The following NALF1 variants were observed in gnomAD, a reference collection of about 807,000 sequenced individuals.
The protein encoded by NALF1 is family with sequence similarity 155 member A.
NALF1 carries 3 observed loss-of-function variants against 48.4 expected under a neutral mutation model. The ratio of observed to expected loss-of-function variants is 0.06; its 90% CI spans 0.03 to 0.16. The LOEUF (loss-of-function observed/expected upper bound fraction) is 0.16, where lower values mean the gene tolerates loss of function less well. NALF1 is among the 10% of genes least tolerant of loss of function. The pLI is 1.00. For synonymous variants in NALF1, 262 were observed against 245.7 expected (o/e 1.07, Z -0.62); for missense variants, 526 against 571.5 (o/e 0.92, Z 0.81).
At chr13:107,790,323 A>G (rs577330425) in intron 1 of NALF1, among the ~76,000 whole-genome samples, 1 of 152,358 alleles carries the variant, frequency 6.6e-6, no homozygotes, top group African/African-American at 2.4e-5. Flanking sequence ...GAATATGTCA[A>G]AATTAACTCT....
chr13:107,428,614 G>A (rs1884322232), intron 1 of NALF1, among the ~76,000 whole-genome samples: 1 of 152,158 alleles, frequency 6.6e-6, no homozygotes, highest in Non-Finnish European at 1.5e-5. Flanking sequence ...TGTTAGGATG[G>A]AGAGACAGTG....
At chr13:107,273,533 G>T (rs1416106448) in intron 1 of NALF1, among the ~76,000 whole-genome samples, 2 of 152,058 alleles carry the variant, frequency 1.3e-5, no homozygotes, top group African/African-American at 4.8e-5. Context: ...TTTTAACAAT[G>T]GCCCAGGATT....
At chr13:107,496,326 G>A (rs1477864155) in intron 1 of NALF1, among the ~76,000 whole-genome samples, 1 of 152,176 alleles carries the variant, frequency 6.6e-6, no homozygotes, top group East Asian at 1.9e-4. Flanking sequence ...AAACAAGCCT[G>A]TAGATACAAA....
chr13:107,370,689 C>T (rs1883234334), intron 1 of NALF1, among the ~76,000 whole-genome samples: 1 of 152,106 alleles, frequency 6.6e-6, no homozygotes, highest in Non-Finnish European at 1.5e-5. Flanking sequence ...TGTATTAGTC[C>T]GTTCTCATGC....
intron 1 of NALF1, among the ~76,000 whole-genome samples, chr13:107,374,077 T>G (rs1355520821): frequency 1.3e-5 from 2 of 152,236 alleles, no homozygotes; most frequent in Non-Finnish European, 2.9e-5. Context: ...TTCCAATGAT[T>G]CCTTCATTAG....
At chr13:107,852,374 C>A (rs150155244) in intron 1 of NALF1, among the ~76,000 whole-genome samples, 1 of 152,312 alleles carries the variant, frequency 6.6e-6, no homozygotes, top group African/African-American at 2.4e-5. Context: ...AAATTAAGAA[C>A]CGTTTCCACT....
intron 1 of NALF1, among the ~76,000 whole-genome samples, chr13:107,647,226 C>T (rs1418405070): frequency 6.6e-6 from 1 of 151,904 alleles, no homozygotes; most frequent in Non-Finnish European, 1.5e-5. Context: ...GCAAAGGAAG[C>T]ATAAGATGAG....
chr13:107,785,290 C>T (rs569453143), intron 1 of NALF1, among the ~76,000 whole-genome samples: 1 of 152,170 alleles, frequency 6.6e-6, no homozygotes, highest in African/African-American at 2.4e-5. Context: ...AAACCGCTCC[C>T]CTCAGTGAGT....
intron 1 of NALF1, among the ~76,000 whole-genome samples, chr13:107,265,673 TG>T (rs1230698684): frequency 6.6e-6 from 1 of 152,154 alleles, no homozygotes; most frequent in Non-Finnish European, 1.5e-5. Context: ...CCCAAAGTGC[TG>T]GGATCACAGC....
At chr13:107,721,883 T>C (rs1260977255) in intron 1 of NALF1, among the ~76,000 whole-genome samples, 1 of 152,182 alleles carries the variant, frequency 6.6e-6, no homozygotes, top group Non-Finnish European at 1.5e-5. Context: ...TACCGCAGAT[T>C]CATGAATATT....
chr13:107,815,734 C>T (rs1009638447), intron 1 of NALF1, among the ~76,000 whole-genome samples: 2 of 152,072 alleles, frequency 1.3e-5, no homozygotes, highest in Admixed American at 1.3e-4. Context: ...GGTGAACAAC[C>T]CCAATGTCCA....
At chr13:107,243,968 T>C (rs1880528001) in intron 1 of NALF1, among the ~76,000 whole-genome samples, 1 of 152,178 alleles carries the variant, frequency 6.6e-6, no homozygotes, top group African/African-American at 2.4e-5. Flanking sequence ...CAAAAGCTTC[T>C]GAAGTCACAA....
At chr13:107,476,033 A>G (rs117036726) in intron 1 of NALF1, among the ~76,000 whole-genome samples, 43 of 152,316 alleles carry the variant, frequency 2.8e-4, no homozygotes, top group Non-Finnish European at 5.7e-4. Context: ...GATTTAAGGT[A>G]TGTAAACATC....
chr13:107,865,718 C>T lies in NALF1; in HGVS notation c.879G>A (p.Glu293=). The T allele has an allele frequency of 6.2e-7, 1 of 1,614,072 alleles. No homozygotes were observed. The highest frequency in any genetic ancestry group is 8.5e-7 in the Non-Finnish European group (1 of 1,179,996). The stretch of plus-strand genomic sequence containing the variant: ...CAGGACAGGATTTCACCGAGTACTC[C>T]TCCGACTGTAAATATTTGTGGAGCA... ...ESVLHKYLQS[E]EYSVKSCPED... is the part of the protein sequence containing the mutation. The change falls in exon 1 of 3, where the codon GAG becomes GAA. Residue 293 remains glutamate (E), a synonymous_variant. Coordinates refer to ENST00000375915, the MANE Select transcript of NALF1 (RefSeq NM_001080396.3).
chr13:107,452,786 A>T (rs940447892), intron 1 of NALF1, among the ~76,000 whole-genome samples: 4 of 152,198 alleles, frequency 2.6e-5, no homozygotes, highest in Non-Finnish European at 4.4e-5. Context: ...TCTGCCTATG[A>T]GCCTGTAAAA....
intron 1 of NALF1, among the ~76,000 whole-genome samples, chr13:107,635,700 A>G (rs1290685492): frequency 6.6e-6 from 1 of 152,216 alleles, no homozygotes; most frequent in Non-Finnish European, 1.5e-5. Flanking sequence ...CTTTGTTTGA[A>G]AAATCAAACA....
At chr13:107,512,573 G>T (rs1377906080) in intron 1 of NALF1, among the ~76,000 whole-genome samples, 1 of 152,144 alleles carries the variant, frequency 6.6e-6, no homozygotes. Context: ...TATTGAAGCA[G>T]CTGTGGCACA....
At chr13:107,549,468 A>G (rs1385799281) in intron 1 of NALF1, among the ~76,000 whole-genome samples, 1 of 152,186 alleles carries the variant, frequency 6.6e-6, no homozygotes, top group Non-Finnish European at 1.5e-5. Flanking sequence ...AGCTCTGAGA[A>G]CTACATACAA....
intron 1 of NALF1, among the ~76,000 whole-genome samples, chr13:107,272,674 C>A (rs1268808630): frequency 1.3e-5 from 2 of 152,136 alleles, no homozygotes; most frequent in Non-Finnish European, 2.9e-5. Context: ...CATGTAATGA[C>A]TTTGTAGGAT....
Sources: gnomAD v4.1 joint callset for allele counts (sites outside exome capture counted in the v4.1 genomes callset) on GRCh38, gnomAD v4.1.1 for gene constraint, MANE v1.5 for transcripts, NCBI Gene and HGNC (gene_info 2026-07-23, HGNC 2026-07-21) for gene names.